Variants in C8orf34 observed in about 807,000 individuals in gnomAD.
C8orf34 encodes the protein uncharacterized protein C8orf34.
In C8orf34, 65 loss-of-function variants were observed where a neutral mutation model predicts 68.3. The ratio of observed to expected loss-of-function variants is 0.95; its 90% CI spans 0.78 to 1.17. The LOEUF (loss-of-function observed/expected upper bound fraction) is 1.17, where lower values mean the gene tolerates loss of function less well. C8orf34 is among the 50% of genes most tolerant of loss of function. The pLI is 0.00. For synonymous variants in C8orf34, 244 were observed against 241.2 expected, an observed-to-expected ratio of 1.01 and a Z score of -0.11; for missense variants, 664 against 655.4, an observed-to-expected ratio of 1.01 and a Z score of -0.14.
intron 4 of C8orf34, 100 bp downstream of exon 4, chr8:68,468,920 T>C: frequency 7.7e-7 from 1 of 1,301,598 alleles, no homozygotes. Context: ...ATCCTCATTC[T>C]AATTCTGCAA....
At chr8:68,433,015 G>A (rs1330025890) in intron 1 of C8orf34, among the ~76,000 whole-genome samples, 7 of 152,106 alleles carry the variant, frequency 4.6e-5, no homozygotes. Flanking sequence ...TTAAATGGGG[G>A]CAATTTGAGA....
intron 7 of C8orf34, among the ~76,000 whole-genome samples, chr8:68,593,079 C>A (rs374655634): frequency 1.3e-5 from 2 of 151,996 alleles, no homozygotes; most frequent in Non-Finnish European, 2.9e-5. Flanking sequence ...CCTCATCTAT[C>A]GTTACATTTT....
intron 3 of C8orf34, among the ~76,000 whole-genome samples, chr8:68,453,605 T>C (rs1381158661): frequency 6.6e-6 from 1 of 151,966 alleles, no homozygotes; most frequent in African/African-American, 2.4e-5. Context: ...AAAACTGATT[T>C]TTGTATTTTG....
At chr8:68,673,737 G>T (rs943689946) in intron 8 of C8orf34, among the ~76,000 whole-genome samples, 1 of 148,194 alleles carries the variant, frequency 6.7e-6, no homozygotes, top group Non-Finnish European at 1.5e-5. Flanking sequence ...ACACAAGCCT[G>T]GCTGGCTTCA....
intron 9 of C8orf34, among the ~76,000 whole-genome samples, chr8:68,717,830 A>G (rs1238264716): frequency 1.3e-5 from 2 of 152,178 alleles, no homozygotes; most frequent in East Asian, 1.9e-4. Flanking sequence ...AGAAATGACC[A>G]TAGTTAATGC....
chr8:68,789,206 G>T (rs1454175394), intron 12 of C8orf34, among the ~76,000 whole-genome samples: 1 of 152,192 alleles, frequency 6.6e-6, no homozygotes, highest in Non-Finnish European at 1.5e-5. Context: ...AGCACTGTGG[G>T]TGTGTATTGT....
In C8orf34 at chr8:68,446,348, G is replaced by C. The variant is rs1811122693; in HGVS notation, c.495G>C (p.Arg165Ser). 6.3e-7 allele frequency: 1 copy of C among 1,598,232 alleles called. No individual in the cohort carries two copies. Among genetic ancestry groups the C allele is most frequent in the African/African-American group, 1.4e-5 (1 of 73,774 alleles). The change falls in exon 3 of 14, where the codon AGG becomes AGC. Residue 165 changes from arginine to serine, a missense_variant. Physicochemically the swap from Arg to Ser is moderately radical, Grantham distance 110. Transcript: ENST00000518698. ...SEKSESKGTR[R>S]DFRSYDKPWQ... The stretch of plus-strand genomic sequence containing the variant: ...TAACAGAATCCAAAGGAACAAGAAG[G>C]GATTTCAGAAGCTATGATAAACCTT...
chr8:68,409,221 A>C (rs1460381972), intron 1 of C8orf34, among the ~76,000 whole-genome samples: 2 of 152,192 alleles, frequency 1.3e-5, no homozygotes, highest in African/African-American at 4.8e-5. Context: ...GTGTACTTTT[A>C]CTTATTTTTA....
intron 8 of C8orf34, among the ~76,000 whole-genome samples, chr8:68,688,875 G>C (rs1415334520): frequency 6.6e-6 from 1 of 152,002 alleles, no homozygotes; most frequent in Non-Finnish European, 1.5e-5. Context: ...AGCTAATGCA[G>C]TTGGGGCTTA....
At chr8:68,507,996 C>G (rs1814099713) in intron 5 of C8orf34, among the ~76,000 whole-genome samples, 1 of 152,110 alleles carries the variant, frequency 6.6e-6, no homozygotes, top group East Asian at 1.9e-4. Flanking sequence ...TCCTTGATCT[C>G]TTCTTTACCC....
chr8:68,346,820 A>T (rs1806304312), intron 1 of C8orf34, among the ~76,000 whole-genome samples: 1 of 152,050 alleles, frequency 6.6e-6, no homozygotes, highest in Non-Finnish European at 1.5e-5. Context: ...TTGTTTGGAT[A>T]TACCATAGTT....
At chr8:68,708,900 C>A in intron 8 of C8orf34, 94 bp from the exon 9 acceptor site, 1 of 846,542 alleles carries the variant, frequency 1.2e-6, no homozygotes. Context: ...AGTTTAGAGT[C>A]TAGAAGTTCA....
At chr8:68,436,691 T>C (rs1810682975) in intron 1 of C8orf34, among the ~76,000 whole-genome samples, 1 of 152,166 alleles carries the variant, frequency 6.6e-6, no homozygotes, top group South Asian at 2.1e-4. Context: ...TGAAACTGAC[T>C]TGATGTTCTA....
chr8:68,397,334 A>G (rs1033565757), intron 1 of C8orf34, among the ~76,000 whole-genome samples: 1 of 151,978 alleles, frequency 6.6e-6, no homozygotes, highest in African/African-American at 2.4e-5. Flanking sequence ...TCTCCAAAAT[A>G]TTTCTCCATT....
intron 1 of C8orf34, among the ~76,000 whole-genome samples, chr8:68,408,717 C>T (rs1485684577): frequency 1.3e-5 from 2 of 152,180 alleles, no homozygotes; most frequent in African/African-American, 4.8e-5. Flanking sequence ...CTCATAACAT[C>T]CATTATGCAT....
intron 12 of C8orf34, among the ~76,000 whole-genome samples, chr8:68,798,203 G>A (rs2129529444): frequency 6.6e-6 from 1 of 151,402 alleles, no homozygotes; most frequent in South Asian, 2.1e-4. Flanking sequence ...TGCCCAAGCT[G>A]GTCTCAAACT....
intron 12 of C8orf34, among the ~76,000 whole-genome samples, chr8:68,790,395 T>C (rs780624280): frequency 1.3e-5 from 2 of 152,196 alleles, no homozygotes; most frequent in Non-Finnish European, 2.9e-5. Flanking sequence ...TTTCTATAAA[T>C]TATGCCTAGG....
At chr8:68,713,455 A>T (rs1436406639) in intron 9 of C8orf34, among the ~76,000 whole-genome samples, 1 of 152,126 alleles carries the variant, frequency 6.6e-6, no homozygotes, top group Non-Finnish European at 1.5e-5. Flanking sequence ...AACAAGCCAA[A>T]TTAGAAATGA....
chr8:68,760,291 G>T (rs1402662330), intron 10 of C8orf34, among the ~76,000 whole-genome samples: 1 of 152,156 alleles, frequency 6.6e-6, no homozygotes, highest in Non-Finnish European at 1.5e-5. Context: ...TGATTTATAG[G>T]TATTGCCTCT....
Sources: gnomAD v4.1 joint callset for allele counts (sites outside exome capture counted in the v4.1 genomes callset) on GRCh38, gnomAD v4.1.1 for gene constraint, MANE v1.5 for transcripts, NCBI Gene and HGNC (gene_info 2026-07-23, HGNC 2026-07-21) for gene names.